Variants in PKIB observed in about 807,000 individuals in gnomAD.
PKIB encodes the protein PKI-beta.
Under a neutral mutation model 4.5 loss-of-function variants are expected in PKIB, and 2 were observed. The ratio of observed to expected loss-of-function variants is 0.44; its 90% CI spans 0.18 to 1.39. The LOEUF (loss-of-function observed/expected upper bound fraction) is 1.39. Ranked by LOEUF, PKIB falls within the 40% of genes most tolerant of loss-of-function variation. PKIB has a pLI of 0.27. For missense variants in PKIB, 94 were observed against 92.6 expected, an observed-to-expected ratio of 1.02 and a Z score of -0.06; for synonymous variants, 38 against 36.0, an observed-to-expected ratio of 1.06 and a Z score of -0.20.
chr6:122,579,794 C>A (rs559418523), intron 2 of PKIB, among the ~76,000 whole-genome samples: 1 of 152,240 alleles, frequency 6.6e-6, no homozygotes, highest in East Asian at 1.9e-4. Context: ...TTGGAGAAAT[C>A]TGAATTATTC....
Position 122,725,178 on chromosome 6 carries a change from C to T in PKIB, c.220C>T (p.Gln74Ter), listed in dbSNP as rs1779908086. The change falls in exon 5 of 5, where the codon CAA (glutamine) becomes TAA (stop). Residue 74 changes from glutamine (Q) to a stop codon, truncating the protein, a stop_gained. Transcript: ENST00000368452. LOFTEE classifies it high-confidence loss of function. ...KTTQDQLEKP[Q>*]NEEK The stretch of plus-strand genomic sequence containing the variant: ...AACACAAGACCAATTGGAAAAGCCT[C>T]AAAATGAAGAAAAATGAAGGCTCAT... The T allele has an allele frequency of 6.2e-7, 1 of 1,610,836 alleles. No homozygotes were observed. The highest frequency in any genetic ancestry group is 1.3e-5 in the African/African-American group (1 of 74,636).
chr6:122,707,812 G>A (rs17084762), intron 3 of PKIB, among the ~76,000 whole-genome samples: 2,892 of 152,162 alleles, frequency 0.019, 88 homozygotes, highest in African/African-American at 0.061. Flanking sequence ...TATATGTGCC[G>A]CTGAAAAAAT....
chr6:122,670,426 T>G lies in PKIB; in HGVS notation c.-75-4652T>G, dbSNP rs560119563. ...ATTGCCAAGGCTATTTCTAAAAACT[T>G]TTGCTGGATTTGCTATTTGCTTACT... On this transcript the variant is annotated intron_variant, in intron 2 of 4. Coordinates refer to ENST00000368452, the MANE Select transcript of PKIB (RefSeq NM_181795.3). Among the ~76,000 whole-genome samples, 20 of 152,268 alleles carry G rather than the reference T, an allele frequency of 1.3e-4. No homozygotes were observed. In the South Asian group the frequency reaches 3.5e-3, roughly 27 times the overall value.
intron 3 of PKIB, among the ~76,000 whole-genome samples, chr6:122,588,814 A>G (rs1046927771): frequency 2.0e-5 from 3 of 152,176 alleles, no homozygotes; most frequent in Non-Finnish European, 2.9e-5. Flanking sequence ...TTTCTGAGAA[A>G]TAATCTAGTC....
intron 2 of PKIB, among the ~76,000 whole-genome samples, chr6:122,574,143 A>G (rs1301488877): frequency 6.6e-6 from 1 of 152,220 alleles, no homozygotes; most frequent in Non-Finnish European, 1.5e-5. Context: ...CTGAGAATCA[A>G]ATCAAGAACT....
At chr6:122,651,943 T>C (rs891924054) in intron 2 of PKIB, among the ~76,000 whole-genome samples, 4 of 152,198 alleles carry the variant, frequency 2.6e-5, no homozygotes, top group African/African-American at 9.7e-5. Context: ...CTTTTACAAA[T>C]ATTTGATTAT....
Position 122,717,867 on chromosome 6 carries a change from G to A in PKIB, c.73G>A (p.Gly25Ser), listed in dbSNP as rs759576783. The A allele has an allele frequency of 1.2e-6, 2 of 1,614,014 alleles. No homozygotes were observed. Among genetic ancestry groups the A allele is most frequent in the East Asian group, 4.5e-5 (2 of 44,884 alleles). ...VANFASSARA[G>S]RRNALPDIQS... is the part of the protein sequence containing the mutation. Reference sequence around the variant, plus strand: ...CAATTTTGCATCTTCAGCAAGGGCAGGCCGCCGGAATGCCTTACCAGACAT... The same window carrying A: ...CAATTTTGCATCTTCAGCAAGGGCAAGCCGCCGGAATGCCTTACCAGACAT... The change falls in exon 4 of 5, where the codon GGC (glycine) becomes AGC (serine). Residue 25 changes from glycine to serine, a missense_variant. Transcript: ENST00000368452.
chr6:122,647,156 T>C (rs1776354071), intron 2 of PKIB, among the ~76,000 whole-genome samples: 1 of 152,146 alleles, frequency 6.6e-6, no homozygotes, highest in Admixed American at 6.6e-5. Flanking sequence ...GTGGAAACTC[T>C]GGGGCAAGAG....
intron 2 of PKIB, among the ~76,000 whole-genome samples, chr6:122,551,749 A>C (rs1338339829): frequency 6.6e-6 from 1 of 152,012 alleles, no homozygotes; most frequent in East Asian, 1.9e-4. Context: ...TGTGCTTGGC[A>C]TTTCCCAGTC....
chr6:122,557,956 CACAT>C (rs1339847721), intron 2 of PKIB, among the ~76,000 whole-genome samples: 3 of 152,128 alleles, frequency 2.0e-5, no homozygotes, highest in Non-Finnish European at 2.9e-5. Flanking sequence ...ACTGGACTAT[CACAT>C]ACCCTCCAAG....
intron 2 of PKIB, among the ~76,000 whole-genome samples, chr6:122,534,021 C>A (rs1777334051): frequency 6.6e-6 from 1 of 151,776 alleles, no homozygotes; most frequent in Non-Finnish European, 1.5e-5. Flanking sequence ...CCCCCAACTG[C>A]CAATATATAT....
chr6:122,541,317 G>A (rs1777590038), intron 2 of PKIB, among the ~76,000 whole-genome samples: 1 of 151,996 alleles, frequency 6.6e-6, no homozygotes, highest in Non-Finnish European at 1.5e-5. Flanking sequence ...GCAGTGGGTG[G>A]TACCGGTTGT....
chr6:122,708,614 A>G (rs1001734561), intron 3 of PKIB, among the ~76,000 whole-genome samples: 9 of 152,104 alleles, frequency 5.9e-5, no homozygotes, highest in Non-Finnish European at 1.2e-4. Flanking sequence ...AACAATATCA[A>G]CTTTCTGGAA....
At chr6:122,500,672 G>T (rs1776204988) in intron 2 of PKIB, among the ~76,000 whole-genome samples, 1 of 152,168 alleles carries the variant, frequency 6.6e-6, no homozygotes, top group Admixed American at 6.5e-5. Context: ...TAGATATGGA[G>T]AAATTTATTT....
chr6:122,583,809 C>T (rs1458688109), intron 2 of PKIB, among the ~76,000 whole-genome samples: 1 of 151,978 alleles, frequency 6.6e-6, no homozygotes, highest in Non-Finnish European at 1.5e-5. Flanking sequence ...GTAAGTAGTT[C>T]CTTAGAGACC....
chr6:122,544,956 T>C (rs1052556375), intron 2 of PKIB, among the ~76,000 whole-genome samples: 1 of 152,050 alleles, frequency 6.6e-6, no homozygotes, highest in Admixed American at 6.5e-5. Flanking sequence ...CTTGCACTGG[T>C]CAGAATGGCT....
chr6:122,529,390 T>G (rs1448997285), intron 2 of PKIB, among the ~76,000 whole-genome samples: 2 of 152,226 alleles, frequency 1.3e-5, no homozygotes, highest in Non-Finnish European at 2.9e-5. Flanking sequence ...CATTTTCATT[T>G]TCATATATTG....
intron 3 of PKIB, among the ~76,000 whole-genome samples, chr6:122,683,136 G>T (rs773867377): frequency 3.8e-4 from 58 of 152,174 alleles, no homozygotes; most frequent in Admixed American, 5.9e-4. Flanking sequence ...TTAAAATTTG[G>T]CAGTTATGGA....
intron 2 of PKIB, among the ~76,000 whole-genome samples, chr6:122,528,311 A>G (rs570359999): frequency 6.6e-6 from 1 of 152,292 alleles, no homozygotes; most frequent in East Asian, 1.9e-4. Context: ...TAGAAAGCAG[A>G]TAGCTGGGTC....
Sources: gnomAD v4.1 joint callset for allele counts (sites outside exome capture counted in the v4.1 genomes callset) on GRCh38, gnomAD v4.1.1 for gene constraint, MANE v1.5 for transcripts, NCBI Gene and HGNC (gene_info 2026-07-23, HGNC 2026-07-21) for gene names.